Variants in PLCB4 observed in about 807,000 individuals in gnomAD.
The protein encoded by PLCB4 is 1-phosphatidylinositol 4,5-bisphosphate phosphodiesterase beta-4.
PLCB4 carries 77 observed loss-of-function variants against 178.8 expected under a neutral mutation model. The observed-to-expected ratio is 0.43, with a 90% confidence interval of 0.36 to 0.52. The LOEUF is 0.52. Among genes scored for constraint, PLCB4 ranks in the 20% least tolerant of loss-of-function variants. PLCB4 has a pLI of 0.00. For synonymous variants in PLCB4, 496 were observed against 490.8 expected, an observed-to-expected ratio of 1.01 and a Z score of -0.14; for missense variants, 1,024 against 1,453.4, an observed-to-expected ratio of 0.70 and a Z score of 4.80.
chr20:9,316,162 G>A (rs868650176), intron 4 of PLCB4, among the ~76,000 whole-genome samples: 48 of 152,200 alleles, frequency 3.2e-4, no homozygotes, highest in African/African-American at 2.9e-4. Context: ...CTCTCAAAGT[G>A]TGGTCCCCAA....
intron 2 of PLCB4, among the ~76,000 whole-genome samples, chr20:9,185,462 T>G (rs1184445328): frequency 6.6e-6 from 1 of 152,174 alleles, no homozygotes; most frequent in East Asian, 1.9e-4. Flanking sequence ...TTTTCACTAA[T>G]TCCCTTGCTG....
chr20:9,431,580 C>T (rs1361431417), intron 28 of PLCB4, among the ~76,000 whole-genome samples: 3 of 152,056 alleles, frequency 2.0e-5, no homozygotes, highest in African/African-American at 7.2e-5. Flanking sequence ...ATTCTCCTGC[C>T]TCAGCCTCCC....
intron 25 of PLCB4, among the ~76,000 whole-genome samples, chr20:9,413,379 G>A (rs952036653): frequency 3.3e-5 from 5 of 150,044 alleles, no homozygotes; most frequent in Admixed American, 6.6e-5. Flanking sequence ...TTGGGAGGCC[G>A]AGGCGGGCAG....
At chr20:9,276,961 A>G (rs939446087) in intron 3 of PLCB4, among the ~76,000 whole-genome samples, 30 of 152,038 alleles carry the variant, frequency 2.0e-4, no homozygotes, top group African/African-American at 7.2e-4. Context: ...AAAGAAATAG[A>G]AATGTGCAAT....
chr20:9,267,382 A>G (rs957632729), intron 3 of PLCB4, among the ~76,000 whole-genome samples: 6 of 152,166 alleles, frequency 3.9e-5, no homozygotes, highest in African/African-American at 1.2e-4. Flanking sequence ...TCCTAAAGCT[A>G]GGAATCTTAG....
intron 2 of PLCB4, among the ~76,000 whole-genome samples, chr20:9,143,778 T>C (rs904327778): frequency 1.3e-5 from 2 of 152,106 alleles, no homozygotes; most frequent in African/African-American, 4.8e-5. Flanking sequence ...TCATGGCCAA[T>C]TAAGGAACAG....
intron 20 of PLCB4, among the ~76,000 whole-genome samples, chr20:9,404,455 A>G (rs2039282879): frequency 6.6e-6 from 1 of 152,184 alleles, no homozygotes. Flanking sequence ...TAATACAAAA[A>G]TTAGCCAGGC....
At chr20:9,106,289 G>T (rs2091359078) in intron 2 of PLCB4, among the ~76,000 whole-genome samples, 1 of 151,186 alleles carries the variant, frequency 6.6e-6, no homozygotes, top group African/African-American at 2.4e-5. Context: ...CAAAAGTCAT[G>T]GCAAAAACCG....
chr20:9,274,367 C>A (rs890965069), intron 3 of PLCB4, among the ~76,000 whole-genome samples: 1 of 151,918 alleles, frequency 6.6e-6, no homozygotes, highest in African/African-American at 2.4e-5. Flanking sequence ...AATACCAATC[C>A]CTTTAAGTTG....
chr20:9,217,483 T>A (rs2093746216), intron 3 of PLCB4, 31 bp downstream of exon 3: 1 of 152,216 alleles, frequency 6.6e-6, no homozygotes, highest in Non-Finnish European at 1.5e-5. Context: ...GTGGAGAGTC[T>A]TTGGTTGTAG....
chr20:9,256,958 T>C (rs35571085), intron 3 of PLCB4, among the ~76,000 whole-genome samples: 8,206 of 152,214 alleles, frequency 0.054, 258 homozygotes, highest in South Asian at 0.13. Context: ...CATTGAGGTT[T>C]GTGGGCAAGT....
At chr20:9,309,678 A>T (rs534042368) in intron 4 of PLCB4, among the ~76,000 whole-genome samples, 99 of 152,350 alleles carry the variant, frequency 6.5e-4, no homozygotes, top group African/African-American at 2.1e-3. Context: ...TTTTGAAGAG[A>T]TTACATGCAA....
At chr20:9,238,857 T>C (rs561738112) in intron 3 of PLCB4, among the ~76,000 whole-genome samples, 1 of 152,328 alleles carries the variant, frequency 6.6e-6, no homozygotes, top group South Asian at 2.1e-4. Flanking sequence ...ATAAGAGTAA[T>C]GTATGCACAT....
chr20:9,153,599 A>C (rs376609470), intron 2 of PLCB4, among the ~76,000 whole-genome samples: 1 of 152,126 alleles, frequency 6.6e-6, no homozygotes, highest in Non-Finnish European at 1.5e-5. Flanking sequence ...CCGGTCTCGG[A>C]TATGTCTTTA....
At chr20:9,383,230 G>T (rs998318816) in intron 13 of PLCB4, among the ~76,000 whole-genome samples, 1 of 152,144 alleles carries the variant, frequency 6.6e-6, no homozygotes, top group African/African-American at 2.4e-5. Context: ...TATCTATCTG[G>T]TATGGAATGG....
intron 19 of PLCB4, among the ~76,000 whole-genome samples, chr20:9,400,858 C>G (rs1348078146): frequency 6.6e-6 from 1 of 152,166 alleles, no homozygotes; most frequent in Non-Finnish European, 1.5e-5. Context: ...AGACCACGCT[C>G]CAGGGACACC....
At chr20:9,455,278 G>A (rs1464817935) in intron 33 of PLCB4, among the ~76,000 whole-genome samples, 5 of 152,052 alleles carry the variant, frequency 3.3e-5, no homozygotes, top group Admixed American at 2.6e-4. Context: ...TTGTGGATCG[G>A]TGTATTTAGA....
At chr20:9,297,384 G>A (rs745469177) in intron 3 of PLCB4, among the ~76,000 whole-genome samples, 3 of 151,964 alleles carry the variant, frequency 2.0e-5, no homozygotes, top group Non-Finnish European at 4.4e-5. Flanking sequence ...GTCAGAGTGG[G>A]GTGAGGGATA....
intron 3 of PLCB4, among the ~76,000 whole-genome samples, chr20:9,225,033 TGA>T (rs2093846201): frequency 1.3e-5 from 2 of 152,174 alleles, no homozygotes; most frequent in Non-Finnish European, 2.9e-5. Flanking sequence ...TGAAGCATGC[TGA>T]GTTCTGCAAC....
Sources: allele counts gnomAD v4.1 joint callset (sites outside exome capture counted in the v4.1 genomes callset), GRCh38; gene constraint gnomAD v4.1.1; transcripts MANE v1.5; gene names NCBI Gene and HGNC (gene_info 2026-07-23, HGNC 2026-07-21).